The following PACSIN2 variants were observed in gnomAD, a reference collection of about 807,000 sequenced individuals.
PACSIN2 encodes protein kinase C and casein kinase substrate in neurons 2, also known as protein kinase C and casein kinase substrate in neurons protein 2.
A neutral mutation model predicts 63.8 loss-of-function variants in PACSIN2; 25 were observed. That is an observed-to-expected ratio of 0.39 (90% CI 0.29 to 0.55). PACSIN2 has a LOEUF of 0.55. Ranked by LOEUF, PACSIN2 falls within the 20% of genes least tolerant of loss-of-function variation. PACSIN2 has a pLI of 0.62. For missense variants in PACSIN2, 518 were observed against 646.9 expected (o/e 0.80, Z 2.16); for synonymous variants, 255 against 256.2 (o/e 1.00, Z 0.05).
intron 5 of PACSIN2, among the ~76,000 whole-genome samples, chr22:42,887,606 C>G (rs564695371): frequency 7.2e-5 from 11 of 152,238 alleles, no homozygotes; most frequent in Admixed American, 2.0e-4. Flanking sequence ...AGGCCCTCGG[C>G]AATCACACCC....
intron 1 of PACSIN2, among the ~76,000 whole-genome samples, chr22:43,014,139 T>C (rs916382820): frequency 2.0e-5 from 3 of 151,970 alleles, no homozygotes; most frequent in East Asian, 1.9e-4. Flanking sequence ...ACCTCTCCAA[T>C]TGCGGACCTC....
chr22:42,977,795 T>C (rs984264573), intron 1 of PACSIN2, among the ~76,000 whole-genome samples: 2 of 152,160 alleles, frequency 1.3e-5, no homozygotes, highest in African/African-American at 2.4e-5. Context: ...GTCTCTCTCC[T>C]GCTCTGCCAT....
At position 42,871,531 on chromosome 22, in the gene PACSIN2, C is replaced by T; in HGVS notation, c.1349-62G>A. On this transcript the variant is annotated intron_variant, in intron 10 of 10. Coordinates refer to ENST00000263246, the MANE Select transcript of PACSIN2 (RefSeq NM_001184970.3). The surrounding 1 kb of genome is among the most constrained non-coding windows in gnomAD (Gnocchi z 5.4). Reference sequence around the variant, plus strand: ...ATGACACCGACGGTGGGCTACAGAGCCGCATTCACGAGCTTTGAGCCCACA... The same window carrying T: ...ATGACACCGACGGTGGGCTACAGAGTCGCATTCACGAGCTTTGAGCCCACA... 1 of 1,304,264 alleles carries T rather than the reference C, an allele frequency of 7.7e-7. No individual in the cohort carries two copies. Among genetic ancestry groups the T allele is most frequent in the Non-Finnish European group, 1.1e-6 (1 of 898,050 alleles). 80.8% of individuals were successfully genotyped at this position (1,304,264 alleles called of 1,614,324 possible).
chr22:42,906,640 A>G (rs974170677), intron 2 of PACSIN2, among the ~76,000 whole-genome samples: 9 of 152,214 alleles, frequency 5.9e-5, no homozygotes, highest in Admixed American at 6.5e-5. Flanking sequence ...CTGGCTTAGA[A>G]GGAATTCACA....
chr22:42,993,906 C>T (rs139549508), intron 1 of PACSIN2: 1 of 152,250 alleles, frequency 6.6e-6, no homozygotes, highest in African/African-American at 2.4e-5. Flanking sequence ...CACTCCTATG[C>T]AGCTGAAGAA....
chr22:42,916,465 A>G (rs1334373617), intron 1 of PACSIN2, among the ~76,000 whole-genome samples: 3 of 152,054 alleles, frequency 2.0e-5, no homozygotes, highest in African/African-American at 7.2e-5. Flanking sequence ...TGAGTTCTCA[A>G]TGACAACTCC....
At position 42,914,257 on chromosome 22, in the gene PACSIN2, G is replaced by A. The variant is rs185145620; in HGVS notation, c.-77-2100C>T. On this transcript the variant is annotated intron_variant, in intron 1 of 10. Coordinates refer to ENST00000263246, the MANE Select transcript of PACSIN2 (RefSeq NM_001184970.3). ...TCACAGTAATTTTTTTTTTTAGGTG[G>A]AATCTGGCTCTGTTGCCCGGGCTGG... is the stretch of plus-strand genomic sequence containing the variant. 2.6e-5 allele frequency among the ~76,000 whole-genome samples: 4 copies of A among 152,194 alleles called. No individual in the cohort carries two copies. In the East Asian group the frequency reaches 7.7e-4, roughly 29 times the overall value.
At chr22:42,947,650 T>C (rs1487244071) in intron 1 of PACSIN2, among the ~76,000 whole-genome samples, 1 of 133,312 alleles carries the variant, frequency 7.5e-6, no homozygotes, top group Non-Finnish European at 1.6e-5. Flanking sequence ...TCTGCATCTA[T>C]GAGTCTTCAC....
rs927297010 is a variant in PACSIN2, at chr22:42,976,612, C to T, written c.-78+38409G>A. On this transcript the variant is annotated intron_variant, in intron 1 of 10. Coordinates refer to ENST00000263246, the MANE Select transcript of PACSIN2 (RefSeq NM_001184970.3). Reference sequence around the variant, plus strand: ...TGTTTTAGATTTTCATTAAGATTAGCGGCAGAATTGTATTACATGCCTTTT... The same window carrying T: ...TGTTTTAGATTTTCATTAAGATTAGTGGCAGAATTGTATTACATGCCTTTT... Among the ~76,000 whole-genome samples, 29 of 152,190 alleles carry T rather than the reference C, an allele frequency of 1.9e-4. 1 individual carries two copies. The highest frequency in any genetic ancestry group is 1.1e-3 in the Admixed American group (17 of 15,282).
chr22:42,955,649 T>C (rs917327229), intron 1 of PACSIN2, among the ~76,000 whole-genome samples: 1 of 152,234 alleles, frequency 6.6e-6, no homozygotes, highest in Non-Finnish European at 1.5e-5. Flanking sequence ...ATGTGAAGTA[T>C]GAAAGATTTA....
At chr22:42,995,337 G>A in intron 1 of PACSIN2, among the ~76,000 whole-genome samples, 1 of 152,246 alleles carries the variant, frequency 6.6e-6, no homozygotes, top group East Asian at 1.9e-4. Flanking sequence ...AGAACAGGCT[G>A]CTTTTGGTGC....
intron 9 of PACSIN2, 111 bp from the exon 10 acceptor site, chr22:42,876,444 C>T: frequency 2.3e-6 from 2 of 856,346 alleles, no homozygotes; most frequent in South Asian, 1.7e-5. Context: ...GCTGAGGGCT[C>T]CTTCCGAAGG....
At chr22:42,893,338 A>C in intron 3 of PACSIN2, 119 bp downstream of exon 3, 1 of 1,043,256 alleles carries the variant, frequency 9.6e-7, no homozygotes, top group Non-Finnish European at 1.4e-6. Context: ...TGGGAAATGC[A>C]CTCTTGCCCC....
chr22:43,012,154 A>AATAAATACATACATACATAC, intron 1 of PACSIN2, among the ~76,000 whole-genome samples: 1 of 134,006 alleles, frequency 7.5e-6, no homozygotes, highest in South Asian at 2.4e-4. Flanking sequence ...AAAATAAATA[A>AATAAATACATACATACATAC]ATACATACAT....
At position 42,884,251 on chromosome 22, in the gene PACSIN2, G is replaced by A. The variant is rs915086908; in HGVS notation, c.785+135C>T. 4 of 725,318 alleles carry A rather than the reference G, an allele frequency of 5.5e-6. No individual in the cohort carries two copies. The African/African-American group carries it at 7.1e-5, about 13-fold the overall frequency. The allele number at this position is 725,318 out of a possible 1,614,324, so 44.9% of individuals were successfully genotyped here. On this transcript the variant is annotated intron_variant, in intron 6 of 10. Transcript: ENST00000263246. ...CTGCCATCCAGATTACAAAGAAGCA[G>A]GAGGCCCTGAGGGCGGTGAGGAGAC...
chr22:42,886,021 T>A (rs1315027326), intron 5 of PACSIN2, among the ~76,000 whole-genome samples: 2 of 152,206 alleles, frequency 1.3e-5, no homozygotes, highest in African/African-American at 4.8e-5. Flanking sequence ...TGGAGGATAC[T>A]GCTGAAGTGA....
intron 1 of PACSIN2, among the ~76,000 whole-genome samples, chr22:42,973,204 G>A (rs1921453981): frequency 6.6e-6 from 1 of 152,224 alleles, no homozygotes; most frequent in South Asian, 2.1e-4. Context: ...GAGAAGTGGT[G>A]TTTTTAAAAC....
chr22:42,925,068 C>A (rs902683055), intron 1 of PACSIN2, among the ~76,000 whole-genome samples: 2 of 152,016 alleles, frequency 1.3e-5, no homozygotes, highest in African/African-American at 4.8e-5. Context: ...TCTAACCCTG[C>A]CCCAGCCCCC....
intron 1 of PACSIN2, among the ~76,000 whole-genome samples, chr22:42,962,775 C>CGGGGCGGGGG (rs756766401): frequency 1.2e-4 from 2 of 16,410 alleles, no homozygotes; most frequent in Non-Finnish European, 3.4e-4. Context: ...AAGGTGTGGG[C>CGGGGCGGGGG]GGGGGGGGGG....
Sources: gnomAD v4.1 joint callset for allele counts (sites outside exome capture counted in the v4.1 genomes callset) on GRCh38, gnomAD v4.1.1 for gene constraint, Gnocchi (gnomAD v3.1) non-coding constraint, MANE v1.5 for transcripts, NCBI Gene and HGNC (gene_info 2026-07-23, HGNC 2026-07-21) for gene names.